Variants in CFHR5 observed in about 807,000 individuals in gnomAD.
CFHR5 encodes the protein complement factor H-related protein 5.
In CFHR5, 73 loss-of-function variants were observed where a neutral mutation model predicts 62.9. That is an observed-to-expected ratio of 1.16 (90% CI 0.96 to 1.41). CFHR5 has a LOEUF of 1.41. Among genes scored for constraint, CFHR5 ranks in the 40% most tolerant of loss-of-function variants. The pLI, the probability that CFHR5 is intolerant of heterozygous loss-of-function variation, is 0.00. For missense variants in CFHR5, 779 were observed against 679.9 expected (o/e 1.15, Z -1.62); for synonymous variants, 249 against 227.2 (o/e 1.10, Z -0.86).
At chr1:196,999,722 T>TATACAC (rs1164729053) in intron 7 of CFHR5, among the ~76,000 whole-genome samples, 58 of 116,146 alleles carry the variant, frequency 5.0e-4, no homozygotes, top group African/African-American at 1.8e-3. Flanking sequence ...TATATATATA[T>TATACAC]ACACACACAC....
intron 1 of CFHR5, among the ~76,000 whole-genome samples, chr1:196,978,409 A>C (rs79325828): frequency 2.0e-5 from 3 of 152,246 alleles, no homozygotes; most frequent in Non-Finnish European, 2.9e-5. Context: ...AAAGGATTGC[A>C]AACAAAATCT....
At chr1:196,998,598 A>G (rs2125036692) in intron 7 of CFHR5, among the ~76,000 whole-genome samples, 1 of 152,176 alleles carries the variant, frequency 6.6e-6, no homozygotes, top group East Asian at 1.9e-4. Flanking sequence ...TTAATCTTCA[A>G]TGACATTAAG....
At position 196,991,817 on chromosome 1, in the gene CFHR5, G is replaced by A. The variant is rs577279150; in HGVS notation, c.431-2263G>A. Among the ~76,000 whole-genome samples the A allele has an allele frequency of 4.6e-5, 7 of 152,300 alleles. No individual in the cohort carries two copies. In the East Asian group the frequency reaches 1.4e-3, roughly 29 times the overall value. On this transcript the variant is annotated intron_variant, in intron 3 of 9. Transcript: ENST00000256785. ...GTCAGTTTTCCCCCTACTGGGAGGT[G>A]TCTCCCAGTTAGGCTACACGTGGGA...
intron 5 of CFHR5, 57 bp from the exon 6 acceptor site, chr1:196,995,965 T>C: frequency 6.3e-7 from 1 of 1,595,246 alleles, no homozygotes; most frequent in Non-Finnish European, 8.6e-7. Flanking sequence ...TAAATACACA[T>C]GTAAACAGAT....
At position 196,995,876 on chromosome 1, in the gene CFHR5, G is replaced by T; in HGVS notation, c.767G>T (p.Trp256Leu). ...PKKIQCVDGEWTTLPTCVEQV... is the reference protein window; with the variant it reads ...PKKIQCVDGELTTLPTCVEQV... ...AAAATACAATGTGTGGATGGAGAAT[G>T]GACAACTTTACCCACTTGTGTTGGT... is the stretch of plus-strand genomic sequence containing the variant. Residue 256 changes from tryptophan to leucine, a missense_variant, in exon 5 of 10, where the codon TGG (tryptophan) becomes TTG (leucine). Trp to Leu is a moderately conservative substitution (Grantham distance 61). Transcript: ENST00000256785. 1 of 1,613,156 alleles carries T rather than the reference G, an allele frequency of 6.2e-7. No individual in the cohort carries two copies. The highest frequency in any genetic ancestry group is 1.7e-5 in the Admixed American group (1 of 59,952).
intron 1 of CFHR5, among the ~76,000 whole-genome samples, 199 bp downstream of exon 1, chr1:196,977,921 G>A (rs941695929): frequency 7.2e-5 from 11 of 152,014 alleles, no homozygotes; most frequent in African/African-American, 9.7e-5. Flanking sequence ...AATTCTCTCC[G>A]TTCTCTAGTT....
chr1:196,976,760 T>C (rs564801272), upstream of CFHR5, among the ~76,000 whole-genome samples: 175 of 152,048 alleles, frequency 1.2e-3, no homozygotes, highest in Non-Finnish European at 2.0e-3. Flanking sequence ...AATTCTGTTC[T>C]TCAAACATTT....
At chr1:196,989,789 A>G (rs1235190967) in intron 3 of CFHR5, among the ~76,000 whole-genome samples, 7 of 152,190 alleles carry the variant, frequency 4.6e-5, no homozygotes, top group Admixed American at 3.9e-4. Flanking sequence ...TTTACTTCCA[A>G]CTATGTGGTC....
chr1:196,999,722 T>TATATACAC (rs1164729053), intron 7 of CFHR5, among the ~76,000 whole-genome samples: 37 of 116,134 alleles, frequency 3.2e-4, no homozygotes, highest in African/African-American at 1.2e-3. Flanking sequence ...TATATATATA[T>TATATACAC]ACACACACAC....
At chr1:197,000,918 CATCT>C (rs749962475) in intron 7 of CFHR5, among the ~76,000 whole-genome samples, 3 of 152,006 alleles carry the variant, frequency 2.0e-5, no homozygotes, top group Middle Eastern at 3.2e-3. Flanking sequence ...AAAACTGACC[CATCT>C]ATCTATCAAA....
intron 1 of CFHR5, among the ~76,000 whole-genome samples, chr1:196,979,639 G>A (rs1227140021): frequency 6.6e-6 from 1 of 152,108 alleles, no homozygotes; most frequent in Non-Finnish European, 1.5e-5. Context: ...CACTGAGTGA[G>A]TGGTGTGCAA....
intron 9 of CFHR5, among the ~76,000 whole-genome samples, chr1:197,007,792 T>C (rs1264430164): frequency 6.8e-6 from 1 of 147,484 alleles, no homozygotes; most frequent in East Asian, 1.9e-4. Context: ...TATATTATAT[T>C]ATACATTATA....
chr1:196,993,285 T>G (rs2125032990), intron 3 of CFHR5, among the ~76,000 whole-genome samples: 1 of 152,266 alleles, frequency 6.6e-6, no homozygotes, highest in East Asian at 1.9e-4. Context: ...GTATCCTGTT[T>G]GGGTGTTTCA....
chr1:196,984,092 T>G lies in CFHR5; in HGVS notation c.385T>G (p.Cys129Gly). ...TCAAAACAATGAGAAAAACATTTCG[T>G]GTGTAGAACGGGGCTGGTCCACTCC... Reference protein sequence around the residue: ...SLQNNEKNISCVERGWSTPPI... With the variant: ...SLQNNEKNISGVERGWSTPPI... The change falls in exon 3 of 10, where the codon TGT (cysteine) becomes GGT (glycine). Residue 129 changes from cysteine (C) to glycine (G), a missense_variant. By Grantham distance (159) the Cys-to-Gly change is radical. Coordinates refer to ENST00000256785, the MANE Select transcript of CFHR5 (RefSeq NM_030787.4). 1 of 1,613,848 alleles carries G rather than the reference T, an allele frequency of 6.2e-7. No individual in the cohort carries two copies. The highest frequency in any genetic ancestry group is 2.2e-5 in the East Asian group (1 of 44,838).
intron 6 of CFHR5, 132 bp downstream of exon 6, chr1:196,996,333 A>G: frequency 4.0e-6 from 3 of 744,452 alleles, no homozygotes; most frequent in South Asian, 1.5e-5. Context: ...AAATATGTCA[A>G]TCCATTTATT....
At chr1:196,984,205 A>T in intron 3 of CFHR5, 68 bp downstream of exon 3, 9 of 1,296,234 alleles carry the variant, frequency 6.9e-6, no homozygotes, top group Non-Finnish European at 9.9e-6. Context: ...TTTATAGATT[A>T]AATATAGGTT....
In CFHR5 at chr1:196,979,367, T is replaced by C. The variant is rs74220435; in HGVS notation, c.58+1645T>C. On this transcript the variant is annotated intron_variant, in intron 1 of 9. Coordinates refer to ENST00000256785, the MANE Select transcript of CFHR5 (RefSeq NM_030787.4). ...CAATTTCGTCCTCCTGCAAACATCA[T>C]AGAGTGTACTTACACAAACCTAGAT... 4.2e-3 allele frequency among the ~76,000 whole-genome samples: 640 copies of C among 151,838 alleles called. 9 individuals are homozygous for C. The highest frequency in any genetic ancestry group is 0.035 in the East Asian group (178 of 5,152).
intron 9 of CFHR5, among the ~76,000 whole-genome samples, chr1:197,005,195 A>G (rs935893123): frequency 6.6e-6 from 1 of 152,180 alleles, no homozygotes; most frequent in African/African-American, 2.4e-5. Context: ...ACACTGGTCT[A>G]GGAAAACTGT....
chr1:196,995,688 A>G, intron 4 of CFHR5, 29 bp from the exon 5 acceptor site: 1 of 1,580,358 alleles, frequency 6.3e-7, no homozygotes, highest in Non-Finnish European at 8.7e-7. Flanking sequence ...AAGACCATTT[A>G]AGCATTATTT....
Sources: allele counts gnomAD v4.1 joint callset (sites outside exome capture counted in the v4.1 genomes callset), GRCh38; gene constraint gnomAD v4.1.1; transcripts MANE v1.5; gene names NCBI Gene and HGNC (gene_info 2026-07-23, HGNC 2026-07-21).